MCTP1: variants seen among roughly 807,000 people sequenced by gnomAD.
MCTP1 encodes multiple C2 and transmembrane domain-containing protein 1.
MCTP1 carries 69 observed loss-of-function variants against 120.6 expected under a neutral mutation model. The observed-to-expected ratio is 0.57, with a 90% CI of 0.47 to 0.70. MCTP1 has a LOEUF of 0.70. Among genes scored for constraint, MCTP1 ranks in the 30% least tolerant of loss-of-function variants. The pLI is 0.00. For synonymous variants in MCTP1, 529 were observed against 493.1 expected (o/e 1.07, Z -0.96); for missense variants, 1,203 against 1,248.8 (o/e 0.96, Z 0.55).
At chr5:95,225,003 G>A (rs192283771) in intron 1 of MCTP1, among the ~76,000 whole-genome samples, 150 of 152,216 alleles carry the variant, frequency 9.9e-4, no homozygotes, top group African/African-American at 3.5e-3. Context: ...CATATTAAGA[G>A]GCTTTTGCTG....
intron 1 of MCTP1, among the ~76,000 whole-genome samples, chr5:95,221,414 G>C (rs1753682090): frequency 6.6e-6 from 1 of 152,180 alleles, no homozygotes; most frequent in East Asian, 1.9e-4. Flanking sequence ...TTTGCACAGG[G>C]ACCGAAACAG....
At chr5:94,788,360 T>TA (rs1778193174) in intron 18 of MCTP1, among the ~76,000 whole-genome samples, 1 of 152,190 alleles carries the variant, frequency 6.6e-6, no homozygotes, top group African/African-American at 2.4e-5. Context: ...AGGTATCTCA[T>TA]ACAACGCTTT....
At chr5:94,831,090 C>T (rs1580918182) in intron 17 of MCTP1, among the ~76,000 whole-genome samples, 1 of 152,136 alleles carries the variant, frequency 6.6e-6, no homozygotes, top group African/African-American at 2.4e-5. Flanking sequence ...ATGCTATAGA[C>T]GTCTTTAAAG....
chr5:94,749,418 GC>G (rs1206304970), intron 19 of MCTP1, among the ~76,000 whole-genome samples: 5 of 152,072 alleles, frequency 3.3e-5, no homozygotes, highest in African/African-American at 1.2e-4. Context: ...ACTTTGGGGG[GC>G]CAAGGTAGAC....
At chr5:94,831,467 T>G (rs1788506371) in intron 17 of MCTP1, among the ~76,000 whole-genome samples, 1 of 152,230 alleles carries the variant, frequency 6.6e-6, no homozygotes, top group Non-Finnish European at 1.5e-5. Flanking sequence ...TTGCAAAAGA[T>G]TTTTTTATAA....
intron 1 of MCTP1, among the ~76,000 whole-genome samples, chr5:95,125,586 T>C (rs537646671): frequency 2.0e-5 from 3 of 152,340 alleles, no homozygotes; most frequent in South Asian, 4.1e-4. Context: ...ATGAAATCAG[T>C]GTCTTGTTTT....
rs376693017 is a variant in MCTP1 at position 94,804,596 on chromosome 5, G to A, written c.2437-5464C>T. Among the ~76,000 whole-genome samples the A allele has an allele frequency of 1.8e-4, 28 of 151,896 alleles. No homozygotes were observed. The South Asian group carries it at 5.2e-3, about 28-fold the overall frequency. ...TGGGACTACAGGCGCCCGCCACCAC[G>A]CCCGGCTAATTTTTTGTATTTTTAG... On this transcript the variant is annotated intron_variant, in intron 17 of 22. Coordinates refer to ENST00000515393, the MANE Select transcript of MCTP1 (RefSeq NM_024717.7).
At chr5:95,177,813 T>C (rs1314150010) in intron 1 of MCTP1, among the ~76,000 whole-genome samples, 2 of 152,186 alleles carry the variant, frequency 1.3e-5, no homozygotes, top group African/African-American at 4.8e-5. Context: ...TGAGATCATA[T>C]AAGGAATTAC....
intron 1 of MCTP1, among the ~76,000 whole-genome samples, chr5:95,187,567 T>C (rs573950707): frequency 2.0e-5 from 3 of 152,106 alleles, no homozygotes; most frequent in Admixed American, 6.6e-5. Flanking sequence ...GCCCGGCTAA[T>C]TGTTTGATAT....
intron 17 of MCTP1, among the ~76,000 whole-genome samples, chr5:94,809,183 C>A (rs577800891): frequency 1.3e-4 from 19 of 151,918 alleles, no homozygotes; most frequent in Non-Finnish European, 2.5e-4. Context: ...CACTACTTTC[C>A]TTGATGGAGA....
At chr5:95,280,691 T>C (rs1405931874) in intron 1 of MCTP1, among the ~76,000 whole-genome samples, 1 of 152,094 alleles carries the variant, frequency 6.6e-6, no homozygotes, top group Non-Finnish European at 1.5e-5. Context: ...TTTGAAATAA[T>C]GCACATCCCC....
At chr5:95,152,288 G>C (rs1355972584) in intron 1 of MCTP1, among the ~76,000 whole-genome samples, 1 of 152,064 alleles carries the variant, frequency 6.6e-6, no homozygotes, top group Non-Finnish European at 1.5e-5. Context: ...CACTATTTTT[G>C]CATTTTCAAA....
chr5:94,974,440 T>C (rs1295600213), intron 2 of MCTP1, among the ~76,000 whole-genome samples: 2 of 152,028 alleles, frequency 1.3e-5, no homozygotes, highest in East Asian at 1.9e-4. Flanking sequence ...TCCCAGTTAC[T>C]TGGGACACTG....
At chr5:94,714,625 G>A (rs1420438032) in intron 20 of MCTP1, 152 bp downstream of exon 20, 1 of 655,806 alleles carries the variant, frequency 1.5e-6, no homozygotes, top group Non-Finnish European at 2.7e-6. Context: ...GCCAAAGACT[G>A]GCAGAAATAA....
chr5:94,905,372 A>G (rs7700415), intron 10 of MCTP1, among the ~76,000 whole-genome samples: 24,068 of 152,040 alleles, frequency 0.16, 2,245 homozygotes, highest in African/African-American at 0.26. Flanking sequence ...GGAACAGAGG[A>G]GTTAAGTTAC....
At chr5:94,847,682 G>A (rs153899) in intron 17 of MCTP1, among the ~76,000 whole-genome samples, 43,852 of 99,824 alleles carry the variant, frequency 0.44, 8,624 homozygotes, top group South Asian at 0.51. Flanking sequence ...GTGTGTGTGT[G>A]TATATATATA....
chr5:95,050,237 T>C (rs1745542593), intron 1 of MCTP1, among the ~76,000 whole-genome samples: 1 of 152,202 alleles, frequency 6.6e-6, no homozygotes. Context: ...CCAGTGAAAT[T>C]TGGATTTTTG....
chr5:94,957,098 T>TG (rs1229992398), intron 2 of MCTP1, among the ~76,000 whole-genome samples: 1 of 152,176 alleles, frequency 6.6e-6, no homozygotes, highest in African/African-American at 2.4e-5. Context: ...CAGAAGAGAC[T>TG]GGGGGCCAAT....
At chr5:95,268,324 T>A (rs1759073439) in intron 1 of MCTP1, among the ~76,000 whole-genome samples, 2 of 152,202 alleles carry the variant, frequency 1.3e-5, no homozygotes, top group South Asian at 4.1e-4. Flanking sequence ...GGTACTTAAT[T>A]GGAAGGAGAT....
Sources: allele counts gnomAD v4.1 joint callset (sites outside exome capture counted in the v4.1 genomes callset), GRCh38; gene constraint gnomAD v4.1.1; transcripts MANE v1.5; gene names NCBI Gene and HGNC (gene_info 2026-07-23, HGNC 2026-07-21).